The following VWA3B variants were observed in gnomAD, a reference collection of about 807,000 sequenced individuals.
VWA3B encodes von Willebrand factor A domain-containing protein 3B.
Under a neutral mutation model 158.3 loss-of-function variants are expected in VWA3B, and 138 were observed. The observed-to-expected ratio is 0.87, with a 90% CI of 0.76 to 1.00. VWA3B has a LOEUF of 1.00. Among genes scored for constraint, VWA3B ranks in the 50% least tolerant of loss-of-function variants. The pLI, the probability that VWA3B is intolerant of heterozygous loss-of-function variation, is 0.00. For synonymous variants in VWA3B, 596 were observed against 587.3 expected, an observed-to-expected ratio of 1.01 and a Z score of -0.21; for missense variants, 1,555 against 1,565.1, an observed-to-expected ratio of 0.99 and a Z score of 0.11.
chr2:98,316,473 T>C (rs2106038409), downstream of VWA3B, among the ~76,000 whole-genome samples: 1 of 152,108 alleles, frequency 6.6e-6, no homozygotes, highest in South Asian at 2.1e-4. Flanking sequence ...CAAAACCCTG[T>C]CTCTGCCAAA....
chr2:98,179,565 T>A (rs4241221), intron 8 of VWA3B, among the ~76,000 whole-genome samples: 127,147 of 152,144 alleles, frequency 0.84, 53,269 homozygotes, highest in South Asian at 0.94. Flanking sequence ...AGCCTTCGCG[T>A]GTTGATCGCC....
At chr2:98,268,270 A>G (rs927639530) in intron 21 of VWA3B, among the ~76,000 whole-genome samples, 4 of 152,050 alleles carry the variant, frequency 2.6e-5, no homozygotes, top group African/African-American at 9.7e-5. Flanking sequence ...TCCTTGATGA[A>G]CATTGATGCA....
chr2:98,325,323 A>T, the VWA3B span, among the ~76,000 whole-genome samples: 2 of 152,234 alleles, frequency 1.3e-5, no homozygotes, highest in Admixed American at 6.5e-5. Flanking sequence ...ATTAGAAACC[A>T]CTGGCTTTTC....
At chr2:98,178,622 G>A (rs1385941330) in intron 8 of VWA3B, among the ~76,000 whole-genome samples, 2 of 152,254 alleles carry the variant, frequency 1.3e-5, no homozygotes, top group East Asian at 1.9e-4. Context: ...TCAGCTGATG[G>A]GGTTACCAAG....
At chr2:98,120,091 CT>C (rs1284345568) in intron 4 of VWA3B, among the ~76,000 whole-genome samples, 1 of 152,136 alleles carries the variant, frequency 6.6e-6, no homozygotes, top group East Asian at 1.9e-4. Flanking sequence ...TTCATTTTAG[CT>C]TTTAACTTGG....
In VWA3B at chr2:98,226,622, CAT is replaced by C. The variant is rs1684931803; in HGVS notation, c.2020-1578_2020-1577del. Reference sequence around the variant, plus strand: ...ACTCTGTGGGAGACCCTGTTAAGAACATAAAAAGATGAGCTGCAGACTTAGAG... The same window carrying C: ...ACTCTGTGGGAGACCCTGTTAAGAACAAAAAGATGAGCTGCAGACTTAGAG... On this transcript the variant is annotated intron_variant, in intron 14 of 27. Transcript: ENST00000477737. Among the ~76,000 whole-genome samples the C allele has an allele frequency of 8.5e-5, 13 of 152,266 alleles. No individual in the cohort carries two copies. The South Asian group carries it at 2.5e-3, about 29-fold the overall frequency.
At chr2:98,157,756 C>T (rs1388732019) in intron 7 of VWA3B, among the ~76,000 whole-genome samples, 11 of 152,182 alleles carry the variant, frequency 7.2e-5, no homozygotes, top group African/African-American at 2.7e-4. Context: ...AGTTCTTCAC[C>T]GGAGAGTCCT....
chr2:98,224,817 A>ATAG (rs1482833745), intron 14 of VWA3B, among the ~76,000 whole-genome samples: 3 of 152,156 alleles, frequency 2.0e-5, no homozygotes, highest in African/African-American at 7.2e-5. Flanking sequence ...TTAATTCTAC[A>ATAG]TAGGTAGGTT....
At chr2:98,264,224 A>G (rs1235866465) in intron 21 of VWA3B, among the ~76,000 whole-genome samples, 4 of 149,658 alleles carry the variant, frequency 2.7e-5, no homozygotes, top group Non-Finnish European at 4.4e-5. Context: ...TTGTTTTTCT[A>G]TACTCTATTT....
chr2:98,250,948 A>G (rs1424132243), intron 20 of VWA3B, among the ~76,000 whole-genome samples: 2 of 150,610 alleles, frequency 1.3e-5, no homozygotes, highest in African/African-American at 4.9e-5. Flanking sequence ...AAATAAATAA[A>G]TACAGGCTGG....
chr2:98,096,153 T>C, intron 2 of VWA3B, among the ~76,000 whole-genome samples: 1 of 152,228 alleles, frequency 6.6e-6, no homozygotes, highest in Non-Finnish European at 1.5e-5. Flanking sequence ...TTGGAAATAT[T>C]CTCTCCTCTT....
chr2:98,308,644 G>A (rs895959459), intron 26 of VWA3B, among the ~76,000 whole-genome samples: 9 of 152,226 alleles, frequency 5.9e-5, no homozygotes, highest in African/African-American at 2.2e-4. Flanking sequence ...GCCAGGGCAG[G>A]GGGAGGCACC....
At position 98,159,430 on chromosome 2, in the gene VWA3B, G is replaced by A. The variant is rs554550396; in HGVS notation, c.989-3421G>A. On this transcript the variant is annotated intron_variant, in intron 7 of 27. Transcript: ENST00000477737. The stretch of plus-strand genomic sequence containing the variant: ...CACCCGGCTCATTTTTGTATTTTTA[G>A]TAGAGACGGAGTTTCACCATGTTAG... Among the ~76,000 whole-genome samples, 5 of 152,062 alleles carry A rather than the reference G, an allele frequency of 3.3e-5. No homozygotes were observed. The South Asian group carries it at 6.2e-4, about 19-fold the overall frequency.
At chr2:98,226,843 C>T (rs1196507356) in intron 14 of VWA3B, among the ~76,000 whole-genome samples, 1 of 152,202 alleles carries the variant, frequency 6.6e-6, no homozygotes, top group African/African-American at 2.4e-5. Context: ...TAAAATTCAA[C>T]ATCCCTTCAG....
At chr2:98,106,068 A>C (rs1346841219) in intron 2 of VWA3B, among the ~76,000 whole-genome samples, 1 of 151,810 alleles carries the variant, frequency 6.6e-6, no homozygotes, top group Non-Finnish European at 1.5e-5. Context: ...GGCGACCACC[A>C]CCATGCCCGG....
chr2:98,326,295 G>A, the VWA3B span, among the ~76,000 whole-genome samples: 2 of 152,036 alleles, frequency 1.3e-5, no homozygotes, highest in Non-Finnish European at 2.9e-5. Context: ...ATTCAAAAAT[G>A]AAGATAAAAT....
chr2:98,317,592 C>T (rs771012934), downstream of VWA3B, among the ~76,000 whole-genome samples: 3 of 152,206 alleles, frequency 2.0e-5, no homozygotes, highest in Non-Finnish European at 2.9e-5. Flanking sequence ...ACATTCCCTT[C>T]CCTTGATAAT....
chr2:98,284,953 T>G (rs563822679), intron 22 of VWA3B, among the ~76,000 whole-genome samples: 1 of 152,092 alleles, frequency 6.6e-6, no homozygotes, highest in Non-Finnish European at 1.5e-5. Context: ...CTGTACTCAT[T>G]CAGTCATTCA....
intron 16 of VWA3B, among the ~76,000 whole-genome samples, chr2:98,233,632 A>T (rs1007873554): frequency 6.6e-6 from 1 of 152,128 alleles, no homozygotes; most frequent in African/African-American, 2.4e-5. Context: ...GCCTAGAAAA[A>T]CAATGATTAC....
Sources: gnomAD v4.1 joint callset for allele counts (sites outside exome capture counted in the v4.1 genomes callset) on GRCh38, gnomAD v4.1.1 for gene constraint, MANE v1.5 for transcripts, NCBI Gene and HGNC (gene_info 2026-07-23, HGNC 2026-07-21) for gene names.